Variants in AK5 observed in about 807,000 individuals in gnomAD.
The protein encoded by AK5 is adenylate kinase 5, also known as adenylate kinase isoenzyme 5.
Under a neutral mutation model 69.5 loss-of-function variants are expected in AK5, and 27 were observed. The observed-to-expected ratio is 0.39, with a 90% CI of 0.29 to 0.54. The LOEUF is 0.54. Ranked by LOEUF, AK5 falls within the 20% of genes least tolerant of loss-of-function variation. The pLI, the probability that AK5 is intolerant of heterozygous loss-of-function variation, is 0.71. For missense variants in AK5, 531 were observed against 700.4 expected, an observed-to-expected ratio of 0.76 and a Z score of 2.73; for synonymous variants, 260 against 244.4, an observed-to-expected ratio of 1.06 and a Z score of -0.60.
At chr1:77,289,138 T>A (rs1359743286) in intron 2 of AK5, among the ~76,000 whole-genome samples, 1 of 152,198 alleles carries the variant, frequency 6.6e-6, no homozygotes, top group Non-Finnish European at 1.5e-5. Context: ...TCAGCAGGAT[T>A]TCTGGTTCAC....
chr1:77,550,419 ATAT>A (rs1377036639), intron 13 of AK5, among the ~76,000 whole-genome samples: 3 of 152,180 alleles, frequency 2.0e-5, no homozygotes, highest in African/African-American at 7.2e-5. Context: ...CTATAAATTA[ATAT>A]TATAATAATT....
chr1:77,443,565 T>C (rs1652462598), intron 8 of AK5, among the ~76,000 whole-genome samples: 1 of 152,080 alleles, frequency 6.6e-6, no homozygotes, highest in Non-Finnish European at 1.5e-5. Flanking sequence ...TATCAGTACT[T>C]CTTTTGTGTC....
rs77129801 is a variant in AK5 at position 77,290,139 on chromosome 1, T to A, written c.247+3012T>A. 4.8e-3 allele frequency among the ~76,000 whole-genome samples: 727 copies of A among 152,346 alleles called. 8 individuals carry two copies. The highest frequency in any genetic ancestry group is 0.016 in the African/African-American group (671 of 41,584). On this transcript the variant is annotated intron_variant, in intron 2 of 13. Transcript: ENST00000354567. ...AATCATCAAATACAAACTTTTCGTA[T>A]ACCTATGGTGGTAAGAATGTTGCAT...
At chr1:77,456,920 T>TAA (rs149961601) in intron 8 of AK5, among the ~76,000 whole-genome samples, 6,543 of 135,312 alleles carry the variant, frequency 0.048, 354 homozygotes, top group East Asian at 0.2. Flanking sequence ...AGTAGTTTCC[T>TAA]TAAAAAAAAA....
chr1:77,286,839 T>C (rs1658380374), intron 1 of AK5, 102 bp from the exon 2 acceptor site: 3 of 750,208 alleles, frequency 4.0e-6, no homozygotes, highest in Middle Eastern at 4.5e-4. Context: ...AGAGTGAGAC[T>C]CTATTTCAAA....
intron 8 of AK5, among the ~76,000 whole-genome samples, chr1:77,422,684 C>G (rs1006185179): frequency 6.6e-6 from 1 of 152,102 alleles, no homozygotes. Flanking sequence ...TCAGGGGGCC[C>G]GTGATACTCT....
chr1:77,367,640 T>TTATGTTATATATGTTATATATATGC (rs1646993523), intron 6 of AK5, among the ~76,000 whole-genome samples: 4 of 84,698 alleles, frequency 4.7e-5, no homozygotes, highest in Non-Finnish European at 6.7e-5. Context: ...AATATATATG[T>TTATGTTATATATGTTATATATATGC]TATGTTATAT....
chr1:77,350,654 A>C (rs1662144361), intron 6 of AK5, among the ~76,000 whole-genome samples: 1 of 152,212 alleles, frequency 6.6e-6, no homozygotes, highest in African/African-American at 2.4e-5. Context: ...ACGGATGGCA[A>C]ACATGGGAGT....
intron 6 of AK5, among the ~76,000 whole-genome samples, chr1:77,380,127 T>C (rs1647529551): frequency 6.6e-6 from 1 of 152,144 alleles, no homozygotes. Flanking sequence ...AGAGTGCAAT[T>C]TCTCTTTGGC....
chr1:77,346,969 T>C (rs1275549382), intron 6 of AK5, among the ~76,000 whole-genome samples: 2 of 152,218 alleles, frequency 1.3e-5, no homozygotes, highest in Non-Finnish European at 2.9e-5. Flanking sequence ...GAGTTTGTAA[T>C]GTGTTACATA....
At chr1:77,307,452 C>T (rs2100279931) in intron 5 of AK5, among the ~76,000 whole-genome samples, 3 of 151,216 alleles carry the variant, frequency 2.0e-5, no homozygotes, top group East Asian at 3.9e-4. Flanking sequence ...ATTTTTATTC[C>T]GTTTTGGTTA....
chr1:77,511,524 G>A (rs554866277), intron 10 of AK5, among the ~76,000 whole-genome samples: 1 of 152,338 alleles, frequency 6.6e-6, no homozygotes, highest in Admixed American at 6.5e-5. Context: ...TGAGAGGAAT[G>A]AGGATGTGTT....
intron 5 of AK5, among the ~76,000 whole-genome samples, chr1:77,335,635 G>A (rs544835246): frequency 3.3e-5 from 5 of 152,242 alleles, no homozygotes; most frequent in African/African-American, 9.6e-5. Flanking sequence ...TTAAAATGGA[G>A]CACTATTGGA....
chr1:77,385,986 G>A (rs1213110590), intron 6 of AK5, among the ~76,000 whole-genome samples: 1 of 152,102 alleles, frequency 6.6e-6, no homozygotes, highest in Non-Finnish European at 1.5e-5. Context: ...AGAGTAGACT[G>A]CTATTTTTCA....
Position 77,390,460 on chromosome 1 carries a change from T to A in AK5, c.892-20521T>A, listed in dbSNP as rs182751954. Among the ~76,000 whole-genome samples, 186 of 152,314 alleles carry A rather than the reference T, an allele frequency of 1.2e-3. 1 individual carries two copies. The highest frequency in any genetic ancestry group is 4.2e-3 in the African/African-American group (175 of 41,568). On this transcript the variant is annotated intron_variant, in intron 6 of 13. Coordinates refer to ENST00000354567, the MANE Select transcript of AK5 (RefSeq NM_174858.3). ...AGTAAACAGTTAACTGATAAAAATG[T>A]TATTCTGGACACTCAGGTGAGAGGG...
At chr1:77,474,967 A>G (rs951162863) in intron 8 of AK5, among the ~76,000 whole-genome samples, 3 of 151,640 alleles carry the variant, frequency 2.0e-5, no homozygotes, top group African/African-American at 7.3e-5. Flanking sequence ...ATGTCTAGCT[A>G]TTTTTTTAAC....
intron 6 of AK5, among the ~76,000 whole-genome samples, chr1:77,375,958 G>A (rs893376941): frequency 2.0e-5 from 3 of 152,200 alleles, no homozygotes; most frequent in African/African-American, 7.2e-5. Flanking sequence ...CCGCTGTGAT[G>A]CTTAACTGAG....
At chr1:77,291,585 C>T (rs1173149132) in intron 2 of AK5, among the ~76,000 whole-genome samples, 1 of 151,970 alleles carries the variant, frequency 6.6e-6, no homozygotes, top group Admixed American at 6.6e-5. Flanking sequence ...CATATTGAAC[C>T]ACGCTCTACC....
intron 5 of AK5, among the ~76,000 whole-genome samples, chr1:77,325,165 T>TG (rs199651692): frequency 0.068 from 10,024 of 147,104 alleles, 420 homozygotes; most frequent in Non-Finnish European, 0.087. Flanking sequence ...TTTTTTGTTT[T>TG]TTTTTTTTTT....
Sources: allele counts gnomAD v4.1 joint callset (sites outside exome capture counted in the v4.1 genomes callset), GRCh38; gene constraint gnomAD v4.1.1; transcripts MANE v1.5; gene names NCBI Gene and HGNC (gene_info 2026-07-23, HGNC 2026-07-21).